Variants in PPP2R2B observed in about 807,000 individuals in gnomAD.
The protein encoded by PPP2R2B is serine/threonine-protein phosphatase 2A 55 kDa regulatory subunit B beta isoform.
In PPP2R2B, 5 loss-of-function variants were observed where a neutral mutation model predicts 46.0. The observed-to-expected ratio is 0.11, with a 90% CI of 0.06 to 0.23. The LOEUF (loss-of-function observed/expected upper bound fraction) is 0.23, where lower values mean the gene tolerates loss of function less well. Ranked by LOEUF, PPP2R2B falls within the 10% of genes least tolerant of loss-of-function variation. PPP2R2B has a pLI of 1.00. For synonymous variants in PPP2R2B, 215 were observed against 206.7 expected (o/e 1.04, Z -0.34); for missense variants, 367 against 575.0 (o/e 0.64, Z 3.70).
chr5:146,990,421 C>A (rs1162870185), intron 1 of PPP2R2B, among the ~76,000 whole-genome samples: 1 of 152,046 alleles, frequency 6.6e-6, no homozygotes, highest in Non-Finnish European at 1.5e-5. Context: ...GAAATCCATG[C>A]ACTTTTAACC....
chr5:146,626,944 T>C (rs1031646064), intron 7 of PPP2R2B, among the ~76,000 whole-genome samples: 7 of 152,336 alleles, frequency 4.6e-5, no homozygotes, highest in Non-Finnish European at 1.0e-4. Flanking sequence ...CTGGTTAAAT[T>C]AATCAAAAAT....
rs1776378880 is a variant in PPP2R2B at position 146,657,038 on chromosome 5, G to A, written c.448-6314C>T. ...TGGCTTATTTGGTGACCACACCAGC[G>A]ATTCTTCACAATCTTCCATGACACC... On this transcript the variant is annotated intron_variant, in intron 5 of 9. Transcript: ENST00000394411. Among the ~76,000 whole-genome samples the A allele has an allele frequency of 2.0e-5, 3 of 152,308 alleles. No individual in the cohort carries two copies. In the South Asian group the frequency reaches 6.2e-4, roughly 32 times the overall value.
At chr5:147,053,353 T>A (rs775400207) in intron 1 of PPP2R2B, among the ~76,000 whole-genome samples, 1 of 152,160 alleles carries the variant, frequency 6.6e-6, no homozygotes, top group African/African-American at 2.4e-5. Flanking sequence ...GCCCAGAAAT[T>A]GTTGAAGCTC....
At chr5:147,041,090 C>T (rs925975376) in intron 1 of PPP2R2B, among the ~76,000 whole-genome samples, 1 of 152,194 alleles carries the variant, frequency 6.6e-6, no homozygotes, top group Non-Finnish European at 1.5e-5. Context: ...CTCTGGAGTC[C>T]ACAGGCTGGT....
chr5:146,978,056 A>T (rs1752999270), intron 1 of PPP2R2B, among the ~76,000 whole-genome samples: 1 of 152,110 alleles, frequency 6.6e-6, no homozygotes, highest in Non-Finnish European at 1.5e-5. Context: ...TGACTTTTTA[A>T]TGATCACCAT....
intron 1 of PPP2R2B, among the ~76,000 whole-genome samples, chr5:146,897,315 C>T (rs1762677976): frequency 6.6e-6 from 1 of 152,198 alleles, no homozygotes; most frequent in East Asian, 1.9e-4. Flanking sequence ...GCCCCCCGTT[C>T]CCACTGTTTA....
chr5:146,945,383 T>C (rs1217848480), intron 1 of PPP2R2B, among the ~76,000 whole-genome samples: 3 of 152,212 alleles, frequency 2.0e-5, no homozygotes, highest in African/African-American at 7.2e-5. Context: ...ATGGATTTTA[T>C]TTTAAAACAA....
At chr5:146,970,371 C>A (rs1011671250) in intron 1 of PPP2R2B, among the ~76,000 whole-genome samples, 2 of 151,868 alleles carry the variant, frequency 1.3e-5, no homozygotes, top group Admixed American at 6.6e-5. Flanking sequence ...GAGGCCGAGG[C>A]GGGCGGATCA....
intron 2 of PPP2R2B, among the ~76,000 whole-genome samples, chr5:147,077,097 T>C (rs1412288512): frequency 6.8e-6 from 1 of 147,812 alleles, no homozygotes; most frequent in East Asian, 1.9e-4. Context: ...ATTATATATG[T>C]ATAATATATA....
intron 1 of PPP2R2B, among the ~76,000 whole-genome samples, chr5:146,974,486 C>T (rs1277727952): frequency 6.6e-6 from 1 of 152,034 alleles, no homozygotes; most frequent in Non-Finnish European, 1.5e-5. Flanking sequence ...ACTGGGCTTG[C>T]TGCCTCCCTA....
chr5:146,698,531 G>A (rs968379723), intron 3 of PPP2R2B, among the ~76,000 whole-genome samples: 11 of 151,600 alleles, frequency 7.3e-5, no homozygotes, highest in African/African-American at 2.7e-4. Context: ...ATCCCACAGT[G>A]GCATTCGTAA....
At position 146,789,937 on chromosome 5, in the gene PPP2R2B, C is replaced by G. The variant is rs138878724; in HGVS notation, c.70+88065G>C. 4.5e-4 allele frequency among the ~76,000 whole-genome samples: 69 copies of G among 152,238 alleles called. 1 individual carries two copies. The highest frequency in any genetic ancestry group is 1.5e-3 in the African/African-American group (64 of 41,536). On this transcript the variant is annotated intron_variant, in intron 2 of 9. Coordinates refer to ENST00000394411, the MANE Select transcript of PPP2R2B (RefSeq NM_181675.4). ...CAGATCAGGGAGACAGAGAACATAACTAGGTCTGCAAGGATAATGGGTAGA... is the reference window on the plus strand; with the variant it reads ...CAGATCAGGGAGACAGAGAACATAAGTAGGTCTGCAAGGATAATGGGTAGA...
intron 1 of PPP2R2B, chr5:147,035,070 T>C (rs1755969641): frequency 4.4e-6 from 2 of 455,188 alleles, no homozygotes; most frequent in African/African-American, 2.0e-5. Context: ...TTTAACATCA[T>C]TCCCAGAAGG....
At chr5:146,708,438 T>C (rs1335546535) in intron 2 of PPP2R2B, among the ~76,000 whole-genome samples, 1 of 147,950 alleles carries the variant, frequency 6.8e-6, no homozygotes, top group African/African-American at 2.5e-5. Context: ...TGTGTGTGTG[T>C]GTAAAATTCA....
intron 5 of PPP2R2B, among the ~76,000 whole-genome samples, chr5:146,686,630 A>C (rs557615565): frequency 7.9e-5 from 12 of 152,288 alleles, no homozygotes; most frequent in African/African-American, 2.6e-4. Flanking sequence ...TCATCACATC[A>C]CCTTCATTTT....
intron 5 of PPP2R2B, among the ~76,000 whole-genome samples, chr5:146,686,967 T>G (rs1778542996): frequency 1.3e-5 from 2 of 151,822 alleles, no homozygotes; most frequent in Admixed American, 1.3e-4. Context: ...CCTCAAGGCC[T>G]TTGTTTCTCC....
At chr5:147,077,305 CACA>C (rs1757814954) in intron 2 of PPP2R2B, among the ~76,000 whole-genome samples, 13 of 143,042 alleles carry the variant, frequency 9.1e-5, no homozygotes, top group South Asian at 2.2e-4. Flanking sequence ...CACACACACA[CACA>C]CACCCACACC....
intron 1 of PPP2R2B, among the ~76,000 whole-genome samples, chr5:146,900,752 T>G (rs1762808541): frequency 6.6e-6 from 1 of 151,984 alleles, no homozygotes; most frequent in African/African-American, 2.4e-5. Context: ...AAGCCGGGCA[T>G]GCATTAGCTA....
chr5:146,897,796 CAT>C (rs557829475), intron 1 of PPP2R2B, among the ~76,000 whole-genome samples: 222 of 137,058 alleles, frequency 1.6e-3, no homozygotes, highest in African/African-American at 6.5e-3. Context: ...AGAAGGAAAA[CAT>C]AGAGAATAAG....
Sources: allele counts gnomAD v4.1 joint callset (sites outside exome capture counted in the v4.1 genomes callset), GRCh38; gene constraint gnomAD v4.1.1; transcripts MANE v1.5; gene names NCBI Gene and HGNC (gene_info 2026-07-23, HGNC 2026-07-21).